MAP2K1: variants seen among roughly 807,000 people sequenced by gnomAD.
MAP2K1 encodes dual specificity mitogen-activated protein kinase kinase 1.
Under a neutral mutation model 46.3 loss-of-function variants are expected in MAP2K1, and 16 were observed. That is an observed-to-expected ratio of 0.35 (90% CI 0.23 to 0.52). The LOEUF (loss-of-function observed/expected upper bound fraction) is 0.52, where lower values mean the gene tolerates loss of function less well. Among genes scored for constraint, MAP2K1 ranks in the 20% least tolerant of loss-of-function variants. The pLI is 0.94. For synonymous variants in MAP2K1, 183 were observed against 185.6 expected (o/e 0.99, Z 0.11); for missense variants, 263 against 497.1 (o/e 0.53, Z 4.48).
chr15:66,416,817 T>G (rs558085750), intron 1 of MAP2K1, among the ~76,000 whole-genome samples: 1 of 152,292 alleles, frequency 6.6e-6, no homozygotes, highest in South Asian at 2.1e-4. Context: ...ACAGGTAACT[T>G]AAAATCTAAT....
At chr15:66,413,809 C>T (rs147621983) in intron 1 of MAP2K1, among the ~76,000 whole-genome samples, 5 of 152,082 alleles carry the variant, frequency 3.3e-5, no homozygotes, top group African/African-American at 7.2e-5. Flanking sequence ...GAGTGACTAA[C>T]GCTGTCTTGA....
intron 5 of MAP2K1, chr15:66,446,728 C>A: frequency 2.9e-6 from 1 of 342,724 alleles, no homozygotes. Flanking sequence ...CCATTGGTTC[C>A]GGATACCCTG....
intron 1 of MAP2K1, among the ~76,000 whole-genome samples, chr15:66,394,459 C>CTTTTTT (rs34599278): frequency 5.6e-5 from 7 of 125,484 alleles, no homozygotes; most frequent in African/African-American, 8.7e-5. Context: ...TAACCAGGAA[C>CTTTTTT]TTTTTTTTTT....
intron 1 of MAP2K1, among the ~76,000 whole-genome samples, chr15:66,420,916 TACATACATATATATACAC>T (rs1392617573): frequency 1.2e-5 from 1 of 81,820 alleles, no homozygotes; most frequent in African/African-American, 4.5e-5. Context: ...TACACACACA[TACATACATATATATACAC>T]ACATACATAT....
chr15:66,488,674 A>T (rs2140681841), intron 8 of MAP2K1: 1 of 188,902 alleles, frequency 5.3e-6, no homozygotes, highest in African/African-American at 2.4e-5. Flanking sequence ...TTAATGTTTT[A>T]TTAACTTTTC....
chr15:66,418,129 TTAAA>T (rs898092824), intron 1 of MAP2K1, among the ~76,000 whole-genome samples: 6 of 152,228 alleles, frequency 3.9e-5, no homozygotes, highest in African/African-American at 1.2e-4. Flanking sequence ...TTTGGGGAAT[TTAAA>T]TACCCCCTAG....
chr15:66,402,898 G>A (rs774973989), intron 1 of MAP2K1, among the ~76,000 whole-genome samples: 1 of 152,164 alleles, frequency 6.6e-6, no homozygotes, highest in Non-Finnish European at 1.5e-5. Flanking sequence ...TGGTGTCTCA[G>A]GGAACACTAT....
chr15:66,466,283 C>T (rs976949498), intron 5 of MAP2K1, among the ~76,000 whole-genome samples: 2 of 152,232 alleles, frequency 1.3e-5, no homozygotes, highest in East Asian at 1.9e-4. Context: ...ACTATATTGC[C>T]GTAAGTTAAG....
intron 6 of MAP2K1, 112 bp from the exon 7 acceptor site, chr15:66,484,878 A>C (rs1893000600): frequency 1.1e-6 from 1 of 927,848 alleles, no homozygotes. Flanking sequence ...AGGTTAGTGG[A>C]GCTCTTGAAA....
chr15:66,489,339 T>G, intron 9 of MAP2K1, 63 bp downstream of exon 9: 1 of 1,444,414 alleles, frequency 6.9e-7, no homozygotes, highest in South Asian at 1.1e-5. Context: ...CCCACCCCAT[T>G]TCTGGAAGCA....
At chr15:66,457,851 T>A (rs1892209484) in intron 5 of MAP2K1, among the ~76,000 whole-genome samples, 1 of 151,422 alleles carries the variant, frequency 6.6e-6, no homozygotes, top group Non-Finnish European at 1.5e-5. Flanking sequence ...TAATCCCAGC[T>A]ACTCAGGAGC....
At chr15:66,421,229 G>A (rs894462675) in intron 1 of MAP2K1, among the ~76,000 whole-genome samples, 1 of 151,568 alleles carries the variant, frequency 6.6e-6, no homozygotes, top group Non-Finnish European at 1.5e-5. Context: ...TTGACCTCCC[G>A]GGTTCAAGCG....
intron 5 of MAP2K1, among the ~76,000 whole-genome samples, chr15:66,466,312 C>G (rs529050284): frequency 6.6e-6 from 1 of 152,314 alleles, no homozygotes; most frequent in Non-Finnish European, 1.5e-5. Context: ...CACATAGTTT[C>G]CAAATTCTGG....
chr15:66,483,743 A>ATTT (rs1892969076), intron 6 of MAP2K1, among the ~76,000 whole-genome samples: 15 of 126,406 alleles, frequency 1.2e-4, no homozygotes, highest in South Asian at 2.7e-4. Flanking sequence ...TTTGACATAC[A>ATTT]TTTTCTTTTT....
chr15:66,418,317 G>A (rs942183074), intron 1 of MAP2K1, among the ~76,000 whole-genome samples: 2 of 152,142 alleles, frequency 1.3e-5, no homozygotes, highest in African/African-American at 4.8e-5. Flanking sequence ...TCAGTTCTGA[G>A]TTATGAGGTT....
chr15:66,405,959 G>GTA (rs2093395638), intron 1 of MAP2K1, among the ~76,000 whole-genome samples: 1 of 152,218 alleles, frequency 6.6e-6, no homozygotes, highest in Admixed American at 6.5e-5. Context: ...ACAGAGGGAT[G>GTA]TATACTTTGA....
chr15:66,414,995 G>A (rs901507095), intron 1 of MAP2K1: 1 of 450,836 alleles, frequency 2.2e-6, no homozygotes, highest in African/African-American at 2.0e-5. Context: ...TAGCTGAAGA[G>A]CACGTAGCTT....
chr15:66,460,945 G>A (rs1445461902), intron 5 of MAP2K1, among the ~76,000 whole-genome samples: 2 of 152,120 alleles, frequency 1.3e-5, no homozygotes, highest in African/African-American at 2.4e-5. Flanking sequence ...GCCCATGGCC[G>A]TGCTCCAGGG....
chr15:66,405,148 G>A (rs1202800810), intron 1 of MAP2K1, among the ~76,000 whole-genome samples: 1 of 152,154 alleles, frequency 6.6e-6, no homozygotes, highest in Non-Finnish European at 1.5e-5. Flanking sequence ...ATTAAGCTCA[G>A]GGAAGTTATT....
Sources: allele counts gnomAD v4.1 joint callset (sites outside exome capture counted in the v4.1 genomes callset), GRCh38; gene constraint gnomAD v4.1.1; transcripts MANE v1.5; gene names NCBI Gene and HGNC (gene_info 2026-07-23, HGNC 2026-07-21).